Variants in TRPM3 observed in about 807,000 individuals in gnomAD.
TRPM3 encodes transient receptor potential cation channel subfamily M member 3.
A neutral mutation model predicts 181.2 loss-of-function variants in TRPM3; 77 were observed. The ratio of observed to expected loss-of-function variants is 0.42; its 90% confidence interval spans 0.35 to 0.51. TRPM3 has a LOEUF of 0.51. TRPM3 is among the 20% of genes least tolerant of loss of function. The pLI, the probability that TRPM3 is intolerant of heterozygous loss-of-function variation, is 0.01. For missense variants in TRPM3, 1,759 were observed against 2,196.7 expected (o/e 0.80, Z 3.98); for synonymous variants, 745 against 796.4 (o/e 0.94, Z 1.09).
At chr9:70,790,510 C>T (rs1344801630) in intron 6 of TRPM3, among the ~76,000 whole-genome samples, 1 of 152,116 alleles carries the variant, frequency 6.6e-6, no homozygotes, top group Non-Finnish European at 1.5e-5. Context: ...ATTTAAATGT[C>T]TGTGTAGAGA....
At chr9:70,699,860 G>GA (rs2071839505) in intron 8 of TRPM3, among the ~76,000 whole-genome samples, 1 of 152,124 alleles carries the variant, frequency 6.6e-6, no homozygotes, top group African/African-American at 2.4e-5. Context: ...GTGTGTGAGG[G>GA]ACTTCTAAGA....
intron 1 of TRPM3, among the ~76,000 whole-genome samples, chr9:71,065,399 C>G (rs772346496): frequency 3.9e-5 from 6 of 152,078 alleles, no homozygotes; most frequent in South Asian, 2.1e-4. Context: ...TTCTTAAATA[C>G]CACTTTAATG....
At chr9:70,976,376 A>G (rs944709304) in intron 1 of TRPM3, among the ~76,000 whole-genome samples, 2 of 152,198 alleles carry the variant, frequency 1.3e-5, no homozygotes, top group East Asian at 1.9e-4. Flanking sequence ...ACATCCACAC[A>G]TGGAAGGTGA....
At position 71,085,940 on chromosome 9, in the gene TRPM3, T is replaced by C. The variant is rs114276897; in HGVS notation, c.177+35238A>G. Among the ~76,000 whole-genome samples the C allele has an allele frequency of 4.0e-3, 614 of 152,082 alleles. 4 individuals carry two copies. The highest frequency in any genetic ancestry group is 0.014 in the African/African-American group (576 of 41,518). ...TAATCACAATAGCAAAGACATGAAA[T>C]TGACCTAGGTGCCCATCAACAGTGG... On this transcript the variant is annotated intron_variant, in intron 1 of 25. Transcript: ENST00000677713.
chr9:70,956,712 C>T (rs2097076723), intron 1 of TRPM3, among the ~76,000 whole-genome samples: 1 of 151,546 alleles, frequency 6.6e-6, no homozygotes, highest in Admixed American at 6.6e-5. Flanking sequence ...TAGCAAGACC[C>T]CATCATTACA....
chr9:71,007,176 A>C (rs1355401140), intron 1 of TRPM3, among the ~76,000 whole-genome samples: 1 of 151,900 alleles, frequency 6.6e-6, no homozygotes. Flanking sequence ...TTATAAATAC[A>C]CATAAACCCA....
chr9:71,212,898 G>A (rs911789195), intron 1 of TRPM3, among the ~76,000 whole-genome samples: 3 of 152,116 alleles, frequency 2.0e-5, no homozygotes, highest in South Asian at 2.1e-4. Context: ...AGGAAAGACT[G>A]ATGACACAAA....
rs76174876 is a variant in TRPM3 at position 71,205,295 on chromosome 9, C to G, written c.183+241358G>C. Among the ~76,000 whole-genome samples, 473 of 152,104 alleles carry G rather than the reference C, an allele frequency of 3.1e-3. 2 individuals carry two copies. The highest frequency in any genetic ancestry group is 0.011 in the African/African-American group (443 of 41,516). On this transcript the variant is annotated intron_variant, in intron 1 of 24. Coordinates refer to the TRPM3 transcript ENST00000357533. The stretch of plus-strand genomic sequence containing the variant: ...CAAAGATCGAGTGTTGAAAGAGGAA[C>G]AAGAACGATTATTTCTATGAAATAA...
intron 12 of TRPM3, among the ~76,000 whole-genome samples, chr9:70,631,361 CTTTTT>C (rs11285828): frequency 1.5e-5 from 2 of 136,846 alleles, no homozygotes; most frequent in Non-Finnish European, 1.6e-5. Flanking sequence ...TCTGAAATGC[CTTTTT>C]TTTTTTTTTT....
intron 3 of TRPM3, among the ~76,000 whole-genome samples, chr9:70,857,439 C>T (rs577383975): frequency 3.0e-4 from 45 of 152,248 alleles, no homozygotes; most frequent in African/African-American, 1.0e-3. Context: ...TGTAAGTTTA[C>T]GAAGACCCCT....
intron 1 of TRPM3, among the ~76,000 whole-genome samples, chr9:71,254,939 A>C (rs1435218767): frequency 6.6e-6 from 1 of 152,218 alleles, no homozygotes; most frequent in Admixed American, 6.5e-5. Flanking sequence ...AATTATCAAA[A>C]GAAATCCCCT....
intron 1 of TRPM3, among the ~76,000 whole-genome samples, chr9:70,892,795 A>G (rs770637722): frequency 1.4e-4 from 21 of 152,194 alleles, no homozygotes; most frequent in Non-Finnish European, 2.4e-4. Flanking sequence ...AGTGGTTAAA[A>G]TCAGTAATTA....
rs546281988 is a variant in TRPM3, at chr9:71,304,002, CAATA to C, written c.183+142647_183+142650del. On this transcript the variant is annotated intron_variant, in intron 1 of 24. Coordinates refer to the TRPM3 transcript ENST00000357533. ...ATATTTTAAAACAACATATTGTACA[CAATA>C]AATATATAGTTTTTGTTAAGTGAAA... Among the ~76,000 whole-genome samples the C allele has an allele frequency of 2.0e-3, 311 of 152,148 alleles. 1 individual carries two copies. Among genetic ancestry groups the C allele is most frequent in the African/African-American group, 7.3e-3 (305 of 41,532 alleles).
intron 1 of TRPM3, among the ~76,000 whole-genome samples, chr9:71,425,231 T>A (rs186176036): frequency 1.2e-4 from 19 of 152,282 alleles, no homozygotes; most frequent in Admixed American, 1.2e-3. Flanking sequence ...GGCTTTAATA[T>A]CACCCATAAA....
intron 1 of TRPM3, among the ~76,000 whole-genome samples, chr9:71,004,956 T>G (rs1285936067): frequency 6.6e-6 from 1 of 151,614 alleles, no homozygotes; most frequent in Non-Finnish European, 1.5e-5. Flanking sequence ...AAAAGAAGAG[T>G]AAAGAAGGCT....
chr9:70,842,836 T>C, intron 5 of TRPM3, 167 bp downstream of exon 5: 1 of 680,966 alleles, frequency 1.5e-6, no homozygotes, highest in Admixed American at 3.4e-5. Flanking sequence ...CTAGAGATTT[T>C]AGAAAATAAA....
At chr9:70,917,594 A>G (rs2096613785) in intron 1 of TRPM3, 5 of 445,392 alleles carry the variant, frequency 1.1e-5, no homozygotes, top group Middle Eastern at 3.6e-4. Context: ...AATGGCTTAT[A>G]CTATAGATTC....
chr9:70,905,258 A>G (rs950759537), intron 1 of TRPM3, among the ~76,000 whole-genome samples: 2 of 152,246 alleles, frequency 1.3e-5, no homozygotes, highest in African/African-American at 4.8e-5. Flanking sequence ...GGTACATTGT[A>G]ATGTTCTCCT....
intron 9 of TRPM3, among the ~76,000 whole-genome samples, chr9:70,642,917 G>C (rs2058281520): frequency 6.6e-6 from 1 of 152,176 alleles, no homozygotes; most frequent in Non-Finnish European, 1.5e-5. Flanking sequence ...GGCCGCTGCT[G>C]CTGATCTGGG....
Sources: allele counts gnomAD v4.1 joint callset (sites outside exome capture counted in the v4.1 genomes callset), GRCh38; gene constraint gnomAD v4.1.1; transcripts MANE v1.5; gene names NCBI Gene and HGNC (gene_info 2026-07-23, HGNC 2026-07-21).